Variants in SLC49A4 observed in about 807,000 individuals in gnomAD.
SLC49A4 encodes disrupted in renal cancer protein 2.
Under a neutral mutation model 50.6 loss-of-function variants are expected in SLC49A4, and 36 were observed. The observed-to-expected ratio is 0.71, with a 90% CI of 0.55 to 0.94. SLC49A4 has a LOEUF of 0.94. Among genes scored for constraint, SLC49A4 ranks in the 40% least tolerant of loss-of-function variants. The pLI is 0.00. For synonymous variants in SLC49A4, 248 were observed against 241.2 expected (o/e 1.03, Z -0.26); for missense variants, 503 against 605.7 (o/e 0.83, Z 1.78).
chr3:122,842,467 C>T (rs1284581566), intron 4 of SLC49A4, among the ~76,000 whole-genome samples: 1 of 106,504 alleles, frequency 9.4e-6, no homozygotes, highest in African/African-American at 3.8e-5. Flanking sequence ...GCCTGGGCGA[C>T]AGAGCGAGAC....
At chr3:122,869,488 T>C (rs1039232172) in intron 7 of SLC49A4, among the ~76,000 whole-genome samples, 3 of 152,250 alleles carry the variant, frequency 2.0e-5, no homozygotes, top group Admixed American at 6.5e-5. Context: ...CATTGGGGGA[T>C]ACTTAGTTTG....
At chr3:122,827,105 T>C (rs779868768) in intron 3 of SLC49A4, 40 bp downstream of exon 3, 1 of 1,578,686 alleles carries the variant, frequency 6.3e-7, no homozygotes, top group South Asian at 1.2e-5. Flanking sequence ...TACTTTGTCT[T>C]TTATCTCAAT....
At chr3:122,808,118 G>A (rs1936249301) in intron 2 of SLC49A4, among the ~76,000 whole-genome samples, 1 of 152,056 alleles carries the variant, frequency 6.6e-6, no homozygotes, top group African/African-American at 2.4e-5. Context: ...TGGGCATTGG[G>A]AATATGACAG....
intron 8 of SLC49A4, among the ~76,000 whole-genome samples, chr3:122,876,389 T>TGA (rs1228600021): frequency 6.6e-6 from 1 of 152,224 alleles, no homozygotes; most frequent in Non-Finnish European, 1.5e-5. Flanking sequence ...CTCAAAAGAT[T>TGA]CAGGGGCCTG....
chr3:122,846,166 AC>A (rs1382361743), intron 5 of SLC49A4, among the ~76,000 whole-genome samples: 1 of 152,184 alleles, frequency 6.6e-6, no homozygotes, highest in Admixed American at 6.5e-5. Context: ...CTTGCTTCGT[AC>A]CTTATAAAGA....
chr3:122,876,270 A>T (rs553970098), intron 8 of SLC49A4, among the ~76,000 whole-genome samples: 112 of 152,248 alleles, frequency 7.4e-4, no homozygotes, highest in Admixed American at 2.9e-3. Flanking sequence ...GTTATCTGTT[A>T]CTTTTTGTTC....
intron 2 of SLC49A4, among the ~76,000 whole-genome samples, chr3:122,826,024 G>A (rs1936521342): frequency 6.6e-6 from 1 of 152,146 alleles, no homozygotes; most frequent in East Asian, 1.9e-4. Context: ...AGAACTGGAA[G>A]GGACTTAGTG....
intron 2 of SLC49A4, among the ~76,000 whole-genome samples, chr3:122,812,434 A>T (rs1399748161): frequency 6.6e-6 from 1 of 152,222 alleles, no homozygotes; most frequent in Admixed American, 6.5e-5. Context: ...TTTTCTCAGT[A>T]AAATACAGAA....
chr3:122,849,053 C>G (rs562739246), intron 5 of SLC49A4, among the ~76,000 whole-genome samples: 1 of 152,154 alleles, frequency 6.6e-6, no homozygotes, highest in South Asian at 2.1e-4. Flanking sequence ...TGAATGAGAA[C>G]GTGCAATGTT....
Position 122,827,177 on chromosome 3 carries a change from A to G in SLC49A4, c.703+112A>G, listed in dbSNP as rs1467548216. 8 of 1,189,882 alleles carry G rather than the reference A, an allele frequency of 6.7e-6. No homozygotes were observed. In the African/African-American group the frequency reaches 7.7e-5, roughly 11 times the overall value. The allele number at this position is 1,189,882 out of a possible 1,614,324, so 73.7% of individuals were successfully genotyped here. A position where few individuals can be genotyped will look rare whatever the true frequency, so the allele number is the denominator to read the frequency against. ...ATATGAAATACTTGAGAGGACTAAT[A>G]TGTAAATTTACATGCACTGTGCATT... On this transcript the variant is annotated intron_variant, in intron 3 of 8. Coordinates refer to ENST00000261038, the MANE Select transcript of SLC49A4 (RefSeq NM_032839.3).
intron 4 of SLC49A4, 146 bp from the exon 5 acceptor site, chr3:122,845,617 T>G (rs1193203120): frequency 2.6e-5 from 10 of 388,508 alleles, no homozygotes; most frequent in Non-Finnish European, 4.4e-5. Context: ...GTTTTTTTTT[T>G]TTTTTTTTTT....
chr3:122,852,882 AT>A (rs1357862396), intron 5 of SLC49A4, among the ~76,000 whole-genome samples: 6 of 152,202 alleles, frequency 3.9e-5, no homozygotes, highest in Non-Finnish European at 8.8e-5. Context: ...TCTTCAGATT[AT>A]CTTCCCATCC....
At chr3:122,798,880 G>C (rs962476035) in intron 1 of SLC49A4, among the ~76,000 whole-genome samples, 3 of 151,804 alleles carry the variant, frequency 2.0e-5, no homozygotes, top group Non-Finnish European at 4.4e-5. Flanking sequence ...CTCAAGCAAG[G>C]CACCAAAATA....
intron 1 of SLC49A4, among the ~76,000 whole-genome samples, chr3:122,798,634 C>CTTTTTTTT (rs71136594): frequency 1.6e-5 from 1 of 62,842 alleles, no homozygotes; most frequent in Non-Finnish European, 2.7e-5. Flanking sequence ...ACTAAAATAT[C>CTTTTTTTT]TTTTTTTTTT....
chr3:122,813,495 C>G (rs1936327295), intron 2 of SLC49A4, among the ~76,000 whole-genome samples: 2 of 152,240 alleles, frequency 1.3e-5, no homozygotes, highest in East Asian at 1.9e-4. Context: ...AAGTCTCCTG[C>G]GTGCCCCTTC....
chr3:122,821,200 T>C (rs1936447373), intron 2 of SLC49A4, among the ~76,000 whole-genome samples: 3 of 152,212 alleles, frequency 2.0e-5, no homozygotes, highest in Non-Finnish European at 4.4e-5. Context: ...CTTCTTTTTC[T>C]TTATAAATTA....
chr3:122,797,906 A>C (rs115361467), intron 1 of SLC49A4, among the ~76,000 whole-genome samples: 1 of 152,182 alleles, frequency 6.6e-6, no homozygotes, highest in Non-Finnish European at 1.5e-5. Context: ...AGTTGAGCCC[A>C]GGAAGTAGAG....
At chr3:122,841,173 A>G (rs1936764668) in intron 4 of SLC49A4, among the ~76,000 whole-genome samples, 1 of 152,244 alleles carries the variant, frequency 6.6e-6, no homozygotes, top group East Asian at 1.9e-4. Flanking sequence ...AGAAACGTCT[A>G]TAAAATTGAC....
At chr3:122,826,395 G>A (rs1300559830) in intron 2 of SLC49A4, among the ~76,000 whole-genome samples, 1 of 152,184 alleles carries the variant, frequency 6.6e-6, no homozygotes. Flanking sequence ...AGCTCTGCCT[G>A]TCAGCGCTTG....
Sources: allele counts gnomAD v4.1 joint callset (sites outside exome capture counted in the v4.1 genomes callset), GRCh38; gene constraint gnomAD v4.1.1; transcripts MANE v1.5; gene names NCBI Gene and HGNC (gene_info 2026-07-23, HGNC 2026-07-21).